The following FBXW8 variants were observed in gnomAD, a reference collection of about 807,000 sequenced individuals.
FBXW8 encodes F-box/WD repeat-containing protein 8.
In FBXW8, 57 loss-of-function variants were observed where a neutral mutation model predicts 65.3. The ratio of observed to expected loss-of-function variants is 0.87; its 90% CI spans 0.71 to 1.09. The LOEUF is 1.09. FBXW8 is among the 50% of genes least tolerant of loss of function. The pLI is 0.00. For missense variants in FBXW8, 777 were observed against 814.8 expected (o/e 0.95, Z 0.57); for synonymous variants, 308 against 330.2 (o/e 0.93, Z 0.73).
intron 8 of FBXW8, 113 bp downstream of exon 8, chr12:117,010,563 G>T: frequency 7.1e-7 from 1 of 1,413,480 alleles, no homozygotes; most frequent in Non-Finnish European, 9.8e-7. Flanking sequence ...GCCCACCTGA[G>T]TTCAGCCCCG....
chr12:117,002,205 G>T (rs1206122421), intron 7 of FBXW8, among the ~76,000 whole-genome samples: 2 of 152,246 alleles, frequency 1.3e-5, no homozygotes, highest in Non-Finnish European at 2.9e-5. Context: ...TGGAACAGCG[G>T]GGGTTGCAGG....
In FBXW8 at chr12:117,024,295, C is replaced by T. The variant is rs754045446; in HGVS notation, c.1516C>T (p.Gln506Ter). ...LVSVWDYRMNQKLWEVYSGHP... is the reference protein window; with the variant it reads ...LVSVWDYRMN ...GTCCGTGTGGGATTATCGGATGAAC[C>T]AGAAGCTGTGGGAGGTGTATTCCGG... The change falls in exon 9 of 11, where the codon CAG (glutamine) becomes TAG (stop). Residue 506 changes from glutamine to a stop codon, truncating the protein, a stop_gained. Coordinates refer to ENST00000652555, the MANE Select transcript of FBXW8 (RefSeq NM_153348.3). LOFTEE classifies it high-confidence loss of function. 2 of 1,614,188 alleles carry T rather than the reference C, an allele frequency of 1.2e-6. No homozygotes were observed. Among genetic ancestry groups the T allele is most frequent in the South Asian group, 2.2e-5 (2 of 91,082 alleles).
intron 1 of FBXW8, among the ~76,000 whole-genome samples, chr12:116,915,159 G>T (rs1880304058): frequency 6.6e-6 from 1 of 152,238 alleles, no homozygotes; most frequent in Non-Finnish European, 1.5e-5. Context: ...TCCTGTGTCA[G>T]TGGTTGCAAG....
In FBXW8 at chr12:117,030,202, A is replaced by G. The variant is rs950248890; in HGVS notation, c.*2030A>G. 12 of 152,148 alleles carry G rather than the reference A, an allele frequency of 7.9e-5. No individual in the cohort carries two copies. The highest frequency in any genetic ancestry group is 1.5e-4 in the Non-Finnish European group (10 of 68,020). 9.4% of individuals were successfully genotyped at this position (152,148 alleles called of 1,614,324 possible). ...ACGCAGCCATTCCATATTCATCTCC[A>G]ACTACACAGGGGAACGGAGCAGATA... On this transcript the variant is annotated 3_prime_UTR_variant, in exon 11 of 11. Transcript: ENST00000652555.
chr12:116,963,030 G>A (rs1884078585), intron 4 of FBXW8, among the ~76,000 whole-genome samples: 1 of 152,174 alleles, frequency 6.6e-6, no homozygotes, highest in Non-Finnish European at 1.5e-5. Flanking sequence ...TGGGCTTAAG[G>A]ACATTCATCT....
At chr12:116,973,948 G>A (rs939159280) in intron 5 of FBXW8, among the ~76,000 whole-genome samples, 4 of 152,186 alleles carry the variant, frequency 2.6e-5, no homozygotes, top group Admixed American at 1.3e-4. Flanking sequence ...CTAGAAAACC[G>A]GACAAAATAT....
intron 7 of FBXW8, among the ~76,000 whole-genome samples, chr12:117,005,769 A>G (rs1953659704): frequency 6.6e-6 from 1 of 152,256 alleles, no homozygotes; most frequent in Non-Finnish European, 1.5e-5. Flanking sequence ...TAACTGCCTC[A>G]CTGCCCAGCA....
intron 9 of FBXW8, among the ~76,000 whole-genome samples, chr12:117,025,409 T>TC (rs1250425965): frequency 8.5e-5 from 13 of 152,156 alleles, no homozygotes; most frequent in Non-Finnish European, 1.2e-4. Context: ...GGCAAGGCCC[T>TC]CCCACAGGAA....
intron 1 of FBXW8, among the ~76,000 whole-genome samples, chr12:116,927,256 C>G (rs544185954): frequency 1.3e-5 from 2 of 152,150 alleles, no homozygotes; most frequent in Non-Finnish European, 2.9e-5. Context: ...AGCCTTATCT[C>G]TCAAATAAAG....
chr12:116,932,214 T>C (rs560181937), intron 2 of FBXW8, among the ~76,000 whole-genome samples: 59 of 152,316 alleles, frequency 3.9e-4, no homozygotes, highest in African/African-American at 1.4e-3. Flanking sequence ...GATGGACAAC[T>C]GTATTCTCTA....
intron 2 of FBXW8, among the ~76,000 whole-genome samples, chr12:116,942,463 C>T (rs1343896198): frequency 1.3e-5 from 2 of 151,560 alleles, no homozygotes; most frequent in African/African-American, 2.4e-5. Flanking sequence ...CCACCTCTGC[C>T]TCCTGGGTTC....
At chr12:117,016,389 C>A (rs1953946321) in intron 8 of FBXW8, among the ~76,000 whole-genome samples, 1 of 152,212 alleles carries the variant, frequency 6.6e-6, no homozygotes, top group African/African-American at 2.4e-5. Context: ...CATCCTTTCA[C>A]GTGCTTATTG....
At chr12:116,972,600 G>A (rs938109055) in intron 5 of FBXW8, among the ~76,000 whole-genome samples, 2 of 152,114 alleles carry the variant, frequency 1.3e-5, no homozygotes, top group South Asian at 2.1e-4. Flanking sequence ...GCAGTGGCCT[G>A]GGAGCTTGGC....
intron 2 of FBXW8, among the ~76,000 whole-genome samples, chr12:116,941,235 T>C (rs1325268089): frequency 6.6e-6 from 1 of 152,206 alleles, no homozygotes; most frequent in African/African-American, 2.4e-5. Flanking sequence ...GTGGGGTGCC[T>C]TCTTGCAATG....
Position 116,948,740 on chromosome 12 carries a change from C to T in FBXW8, c.589-878C>T, listed in dbSNP as rs1883089461. 3.9e-5 allele frequency: 6 copies of T among 152,160 alleles called. No individual in the cohort carries two copies. In the South Asian group the frequency reaches 1.2e-3, roughly 32 times the overall value. The allele number at this position is 152,160 out of a possible 1,614,324, so 9.4% of individuals were successfully genotyped here. On this transcript the variant is annotated intron_variant, in intron 3 of 10. Transcript: ENST00000652555. ...ACTTTATGTGCATTCAGATTCCCTT[C>T]ATTTTAATTCAATTTAATTTTTTAT...
chr12:116,980,580 G>T (rs370169098), intron 5 of FBXW8, among the ~76,000 whole-genome samples: 2 of 152,034 alleles, frequency 1.3e-5, no homozygotes, highest in African/African-American at 4.8e-5. Flanking sequence ...TGCTAGGTCC[G>T]CAGTATGATA....
chr12:116,955,040 G>T (rs559202351), intron 4 of FBXW8, among the ~76,000 whole-genome samples: 2 of 151,278 alleles, frequency 1.3e-5, no homozygotes, highest in African/African-American at 2.4e-5. Context: ...TTGAAATGGG[G>T]GGGGGGGGCC....
chr12:116,953,461 C>T (rs1238233317), intron 4 of FBXW8, among the ~76,000 whole-genome samples: 2 of 152,164 alleles, frequency 1.3e-5, no homozygotes, highest in Admixed American at 6.5e-5. Context: ...TCTTTTGTGG[C>T]ATGTGTCTAT....
At chr12:117,015,057 A>T (rs1312765790) in intron 8 of FBXW8, among the ~76,000 whole-genome samples, 1 of 151,836 alleles carries the variant, frequency 6.6e-6, no homozygotes, top group Admixed American at 6.6e-5. Context: ...ACCTACAATA[A>T]CCCTCACCCC....
Sources: gnomAD v4.1 joint callset for allele counts (sites outside exome capture counted in the v4.1 genomes callset) on GRCh38, gnomAD v4.1.1 for gene constraint, MANE v1.5 for transcripts, NCBI Gene and HGNC (gene_info 2026-07-23, HGNC 2026-07-21) for gene names.